Variants in MSRA observed in about 807,000 individuals in gnomAD.
MSRA encodes the protein mitochondrial peptide methionine sulfoxide reductase.
In MSRA, 54 loss-of-function variants were observed where a neutral mutation model predicts 31.3. That is an observed-to-expected ratio of 1.73 (90% CI 1.39 to 2.17). MSRA has a LOEUF of 2.17. Among genes scored for constraint, MSRA ranks in the 30% most tolerant of loss-of-function variants. MSRA has a pLI of 0.00. For synonymous variants in MSRA, 169 were observed against 116.5 expected, an observed-to-expected ratio of 1.45 and a Z score of -2.90; for missense variants, 507 against 300.9, an observed-to-expected ratio of 1.69 and a Z score of -5.07.
chr8:10,412,206 T>C (rs979205027), intron 5 of MSRA, among the ~76,000 whole-genome samples: 7 of 152,206 alleles, frequency 4.6e-5, no homozygotes, highest in Admixed American at 1.3e-4. Flanking sequence ...GAACAAATAA[T>C]TGTATATGAA....
intron 5 of MSRA, among the ~76,000 whole-genome samples, chr8:10,364,515 G>A (rs1805044730): frequency 6.6e-6 from 1 of 152,204 alleles, no homozygotes; most frequent in Non-Finnish European, 1.5e-5. Context: ...TTCCAGCCAT[G>A]GTGAGAATTT....
intron 3 of MSRA, among the ~76,000 whole-genome samples, chr8:10,246,482 C>G (rs1797629521): frequency 6.6e-6 from 1 of 152,186 alleles, no homozygotes; most frequent in South Asian, 2.1e-4. Context: ...TTATAGTCCA[C>G]TATTATTGAT....
chr8:10,130,541 G>T (rs1052172061), intron 1 of MSRA, among the ~76,000 whole-genome samples: 2 of 152,310 alleles, frequency 1.3e-5, no homozygotes, highest in Middle Eastern at 3.4e-3. Flanking sequence ...TCACTGGGAA[G>T]CTATTAGACA....
intron 1 of MSRA, among the ~76,000 whole-genome samples, chr8:10,107,812 A>G (rs1352271348): frequency 6.6e-6 from 1 of 152,144 alleles, no homozygotes; most frequent in Non-Finnish European, 1.5e-5. Context: ...AGCACTGAAA[A>G]AGGCCAGAGG....
intron 1 of MSRA, among the ~76,000 whole-genome samples, chr8:10,117,372 C>T (rs1025011030): frequency 6.6e-6 from 1 of 152,170 alleles, no homozygotes; most frequent in Non-Finnish European, 1.5e-5. Flanking sequence ...CACAGCTCTT[C>T]CCTAGACTGG....
intron 5 of MSRA, among the ~76,000 whole-genome samples, chr8:10,363,738 C>CCACACACACACACACACACA (rs71203319): frequency 0.087 from 9,002 of 103,174 alleles, 950 homozygotes; most frequent in East Asian, 0.13. Context: ...GATGCAGTCA[C>CCACACACACACACACACACA]CACACACACA....
chr8:10,428,047 C>A, intron 5 of MSRA, 101 bp from the exon 6 acceptor site: 1 of 1,314,430 alleles, frequency 7.6e-7, no homozygotes, highest in Non-Finnish European at 1.0e-6. Context: ...ACATCCCAAG[C>A]CACGCGTCTG....
intron 3 of MSRA, among the ~76,000 whole-genome samples, chr8:10,297,778 C>G (rs1056172713): frequency 4.6e-5 from 7 of 152,216 alleles, no homozygotes; most frequent in South Asian, 4.1e-4. Flanking sequence ...TTAAACCTCT[C>G]CACAAATAAC....
chr8:10,142,764 A>C (rs982836196), intron 1 of MSRA, among the ~76,000 whole-genome samples: 15 of 152,234 alleles, frequency 9.9e-5, no homozygotes, highest in African/African-American at 3.6e-4. Flanking sequence ...TTTGTAAAGG[A>C]ACTGCCAAAG....
Position 10,133,534 on chromosome 8 carries a change from G to T in MSRA, c.143-74299G>T, listed in dbSNP as rs537229492. The stretch of plus-strand genomic sequence containing the variant: ...GTTCCTACTGGCTTCATCACTCTAG[G>T]GTTTAAATCTGGGCTTTGCTGCCTA... On this transcript the variant is annotated intron_variant, in intron 1 of 5. Coordinates refer to ENST00000317173, the MANE Select transcript of MSRA (RefSeq NM_012331.5). Among the ~76,000 whole-genome samples the T allele has an allele frequency of 9.9e-5, 15 of 152,274 alleles. No homozygotes were observed. The East Asian group carries it at 2.9e-3, about 29-fold the overall frequency.
intron 1 of MSRA, among the ~76,000 whole-genome samples, chr8:10,164,162 A>C (rs1390623145): frequency 1.3e-5 from 2 of 152,234 alleles, no homozygotes; most frequent in Non-Finnish European, 2.9e-5. Flanking sequence ...ACTGGACCTA[A>C]AGAGAAAAGT....
intron 4 of MSRA, among the ~76,000 whole-genome samples, chr8:10,302,486 A>G (rs1800901023): frequency 6.6e-6 from 1 of 152,216 alleles, no homozygotes. Flanking sequence ...TGTAGTGGAT[A>G]TGCAGTGTTA....
chr8:10,227,647 G>T (rs977131700), intron 2 of MSRA, among the ~76,000 whole-genome samples: 5 of 152,206 alleles, frequency 3.3e-5, no homozygotes, highest in African/African-American at 9.6e-5. Flanking sequence ...CAGAGGTACA[G>T]TGGAGTGTAC....
intron 1 of MSRA, among the ~76,000 whole-genome samples, chr8:10,084,248 G>A (rs578073214): frequency 1.7e-4 from 26 of 152,304 alleles, no homozygotes; most frequent in Middle Eastern, 3.4e-3. Flanking sequence ...TTGCATTTCT[G>A]ACCTGGGCCT....
At chr8:10,212,321 G>A (rs1050055911) in intron 2 of MSRA, among the ~76,000 whole-genome samples, 1 of 152,164 alleles carries the variant, frequency 6.6e-6, no homozygotes, top group African/African-American at 2.4e-5. Flanking sequence ...AACCTGGAGG[G>A]TTTTAGGCAA....
chr8:10,319,855 T>C, intron 4 of MSRA, 28 bp from the exon 5 acceptor site: 1 of 1,424,028 alleles, frequency 7.0e-7, no homozygotes, highest in Non-Finnish European at 9.4e-7. Flanking sequence ...AGTGACCGGG[T>C]AACCCTCCCT....
chr8:10,374,656 C>G (rs895159181), intron 5 of MSRA, among the ~76,000 whole-genome samples: 1 of 152,186 alleles, frequency 6.6e-6, no homozygotes, highest in African/African-American at 2.4e-5. Flanking sequence ...CAGAGTCTGA[C>G]AGTTTAGCGT....
chr8:10,209,492 G>A lies in MSRA; in HGVS notation c.211+1591G>A, dbSNP rs79205077. ...TGACTACAGAATTCGAAATAACAGG[G>A]AATGAGGCTCTGTGGCAAGTCTTTC... On this transcript the variant is annotated intron_variant, in intron 2 of 5. Transcript: ENST00000317173. 9.8e-3 allele frequency among the ~76,000 whole-genome samples: 1,495 copies of A among 152,328 alleles called. 35 individuals are homozygous for A. Among genetic ancestry groups the A allele is most frequent in the African/African-American group, 0.035 (1,441 of 41,574 alleles).
chr8:10,326,052 G>T (rs930068293), intron 5 of MSRA, among the ~76,000 whole-genome samples: 3 of 152,160 alleles, frequency 2.0e-5, no homozygotes, highest in Admixed American at 6.6e-5. Context: ...AGAAGGCTTG[G>T]TGTTTCTGGC....
Sources: gnomAD v4.1 joint callset for allele counts (sites outside exome capture counted in the v4.1 genomes callset) on GRCh38, gnomAD v4.1.1 for gene constraint, MANE v1.5 for transcripts, NCBI Gene and HGNC (gene_info 2026-07-23, HGNC 2026-07-21) for gene names.